TBC1D19: variants seen among roughly 807,000 people sequenced by gnomAD.
TBC1D19 encodes the protein TBC1 domain family member 19.
In TBC1D19, 60 loss-of-function variants were observed where a neutral mutation model predicts 89.0. That is an observed-to-expected ratio of 0.67 (90% CI 0.55 to 0.84). The LOEUF is 0.84. Ranked by LOEUF, TBC1D19 falls within the 40% of genes least tolerant of loss-of-function variation. The pLI, the probability that TBC1D19 is intolerant of heterozygous loss-of-function variation, is 0.00. For missense variants in TBC1D19, 500 were observed against 610.8 expected (o/e 0.82, Z 1.91); for synonymous variants, 189 against 199.7 (o/e 0.95, Z 0.45).
At chr4:26,826,655 C>A in the TBC1D19 span, among the ~76,000 whole-genome samples, 1 of 152,134 alleles carries the variant, frequency 6.6e-6, no homozygotes, top group African/African-American at 2.4e-5. Context: ...GATCAATATT[C>A]CACAACCCTA....
At chr4:26,584,076 G>T, upstream of TBC1D19, 1 of 969,950 alleles carries the variant, frequency 1.0e-6, no homozygotes, top group South Asian at 1.5e-5. Context: ...GCCCGCTGGA[G>T]GAGTCCCAGT....
the TBC1D19 span, among the ~76,000 whole-genome samples, chr4:26,851,315 A>ATCTATCTATCTGTCTG: frequency 0.019 from 2,747 of 143,270 alleles, 34 homozygotes; most frequent in East Asian, 0.037. Flanking sequence ...CTATCTATCT[A>ATCTATCTATCTGTCTG]TCTATCTATC....
chr4:26,703,798 A>AC (rs200329928), intron 13 of TBC1D19, among the ~76,000 whole-genome samples: 227 of 142,844 alleles, frequency 1.6e-3, no homozygotes, highest in Non-Finnish European at 1.5e-3. Context: ...CTAAAAATAC[A>AC]AAAAAAAAAA....
intron 7 of TBC1D19, among the ~76,000 whole-genome samples, chr4:26,653,586 G>T (rs978436090): frequency 2.6e-5 from 4 of 152,148 alleles, no homozygotes; most frequent in Admixed American, 2.0e-4. Flanking sequence ...ATTTAGGATA[G>T]TTAGCTTGTC....
chr4:26,750,483 A>G (rs1241021369), intron 19 of TBC1D19, among the ~76,000 whole-genome samples: 2 of 152,196 alleles, frequency 1.3e-5, no homozygotes, highest in Non-Finnish European at 2.9e-5. Flanking sequence ...TGAATTAGAA[A>G]ACCTCCAAGC....
In TBC1D19 at chr4:26,748,449, C is replaced by T. The variant is rs267600136; in HGVS notation, c.1358C>T (p.Ser453Phe). 1 of 1,613,904 alleles carries T rather than the reference C, an allele frequency of 6.2e-7. No homozygotes were observed. The highest frequency in any genetic ancestry group is 8.5e-7 in the Non-Finnish European group (1 of 1,179,870). Residue 453 changes from serine to phenylalanine, a missense_variant, in exon 19 of 21, where the codon TCT becomes TTT. Physicochemically the swap from Ser to Phe is radical, Grantham distance 155. This residue lies in a region of TBC1D19 where 220 missense variants were observed against 319.1 expected (regional missense o/e 0.69). Transcript: ENST00000264866. ...TTTAAGTGGATGGTTCGAGCTTTCT[C>T]TGGATACTTAGCTACAGATCAGCTC... is the stretch of plus-strand genomic sequence containing the variant. ...ISFKWMVRAF[S>F]GYLATDQLLL...
At chr4:26,702,538 A>T (rs12644574) in intron 13 of TBC1D19, 3 of 152,116 alleles carry the variant, frequency 2.0e-5, no homozygotes, top group Admixed American at 6.5e-5. Flanking sequence ...TATCACAAAC[A>T]GTAAGTACTA....
At chr4:26,813,470 C>A in the TBC1D19 span, among the ~76,000 whole-genome samples, 2 of 152,138 alleles carry the variant, frequency 1.3e-5, no homozygotes, top group African/African-American at 4.8e-5. Context: ...ATTTAGCTCA[C>A]TTACAGTACA....
At chr4:26,833,987 G>A in the TBC1D19 span, among the ~76,000 whole-genome samples, 1 of 150,158 alleles carries the variant, frequency 6.7e-6, no homozygotes, top group Non-Finnish European at 1.5e-5. Context: ...AGGGCCTGGT[G>A]GGAGGCAACT....
chr4:26,771,188 AG>A, the TBC1D19 span, among the ~76,000 whole-genome samples: 2 of 152,030 alleles, frequency 1.3e-5, no homozygotes, highest in Admixed American at 6.6e-5. Flanking sequence ...AAAAAAAAAA[AG>A]ATTACTGTTC....
At chr4:26,698,236 A>AAATCATGAGT (rs1435634920) in intron 13 of TBC1D19, among the ~76,000 whole-genome samples, 1 of 152,224 alleles carries the variant, frequency 6.6e-6, no homozygotes, top group Admixed American at 6.5e-5. Flanking sequence ...ACAGAGACCA[A>AAATCATGAGT]AATCATGAGT....
Position 26,740,925 on chromosome 4 carries a change from C to T in TBC1D19, c.1227+952C>T, listed in dbSNP as rs1015960850. 3 of 985,248 alleles carry T rather than the reference C, an allele frequency of 3.0e-6. No individual in the cohort carries two copies. The Admixed American group carries it at 1.8e-4, about 61-fold the overall frequency. The allele number at this position is 985,248 out of a possible 1,614,324, so 61.0% of individuals were successfully genotyped here. On this transcript the variant is annotated intron_variant, in intron 17 of 20. Transcript: ENST00000264866. ...TGAAAGTTGGCAAATCACAGAATTCCAGGATGTTACAGATAAACAAATGAA... is the reference window on the plus strand; with the variant it reads ...TGAAAGTTGGCAAATCACAGAATTCTAGGATGTTACAGATAAACAAATGAA...
At chr4:26,777,503 A>G in the TBC1D19 span, among the ~76,000 whole-genome samples, 1 of 151,762 alleles carries the variant, frequency 6.6e-6, no homozygotes, top group Non-Finnish European at 1.5e-5. Context: ...CAGTGGCATA[A>G]TCTTGGCTCA....
chr4:26,718,400 C>T (rs1716777517), intron 14 of TBC1D19, among the ~76,000 whole-genome samples: 1 of 152,054 alleles, frequency 6.6e-6, no homozygotes, highest in Non-Finnish European at 1.5e-5. Context: ...AACTTTGATA[C>T]AATTTATATG....
the TBC1D19 span, among the ~76,000 whole-genome samples, chr4:26,780,193 A>G: frequency 6.6e-6 from 1 of 152,242 alleles, no homozygotes; most frequent in Non-Finnish European, 1.5e-5. Flanking sequence ...TTCAACATAA[A>G]GGCAGCCAAG....
chr4:26,836,905 T>G, the TBC1D19 span, among the ~76,000 whole-genome samples: 1 of 152,164 alleles, frequency 6.6e-6, no homozygotes, highest in Non-Finnish European at 1.5e-5. Flanking sequence ...CTTCCAAACC[T>G]CCCAGCACCT....
intron 7 of TBC1D19, among the ~76,000 whole-genome samples, chr4:26,651,028 A>C: frequency 6.6e-6 from 1 of 152,020 alleles, no homozygotes; most frequent in Non-Finnish European, 1.5e-5. Context: ...ATAGTTGTAG[A>C]TATGTGGCAT....
intron 19 of TBC1D19, among the ~76,000 whole-genome samples, chr4:26,753,221 C>T (rs1719072356): frequency 2.0e-5 from 3 of 152,206 alleles, no homozygotes; most frequent in Admixed American, 2.0e-4. Flanking sequence ...CAGGACACCT[C>T]CTTGTTACAT....
the TBC1D19 span, among the ~76,000 whole-genome samples, chr4:26,820,140 C>T: frequency 3.3e-5 from 5 of 152,090 alleles, no homozygotes; most frequent in African/African-American, 9.7e-5. Flanking sequence ...TTGACATATC[C>T]GTTATCTTAG....
Sources: gnomAD v4.1 joint callset for allele counts (sites outside exome capture counted in the v4.1 genomes callset) on GRCh38, gnomAD v4.1.1 for gene constraint, gnomAD v4.1.1 regional missense constraint, MANE v1.5 for transcripts, NCBI Gene and HGNC (gene_info 2026-07-23, HGNC 2026-07-21) for gene names.